The following R3HDM1 variants were observed in gnomAD, a reference collection of about 807,000 sequenced individuals.
The protein encoded by R3HDM1 is R3H domain-containing protein 1.
A neutral mutation model predicts 141.1 loss-of-function variants in R3HDM1; 46 were observed. The observed-to-expected ratio is 0.33, with a 90% CI of 0.26 to 0.42. The LOEUF (loss-of-function observed/expected upper bound fraction) is 0.42, where lower values mean the gene tolerates loss of function less well. Ranked by LOEUF, R3HDM1 falls within the 10% of genes least tolerant of loss-of-function variation. The pLI is 1.00. For missense variants in R3HDM1, 1,184 were observed against 1,368.3 expected (o/e 0.87, Z 2.12); for synonymous variants, 435 against 472.9 (o/e 0.92, Z 1.04).
At chr2:135,548,368 A>G (rs1559100303) in intron 1 of R3HDM1, among the ~76,000 whole-genome samples, 1 of 152,182 alleles carries the variant, frequency 6.6e-6, no homozygotes, top group Non-Finnish European at 1.5e-5. Context: ...CATCACCCCT[A>G]AACACTTGGA....
At chr2:135,691,812 A>T (rs962547445) in intron 21 of R3HDM1, among the ~76,000 whole-genome samples, 1 of 152,138 alleles carries the variant, frequency 6.6e-6, no homozygotes, top group African/African-American at 2.4e-5. Flanking sequence ...TAAATAAAAC[A>T]TATATAAATA....
chr2:135,539,961 A>T (rs1477190713), intron 1 of R3HDM1, among the ~76,000 whole-genome samples: 1 of 152,240 alleles, frequency 6.6e-6, no homozygotes, highest in Non-Finnish European at 1.5e-5. Context: ...AGATTTCTCG[A>T]TAGCATGTGC....
chr2:135,558,708 T>G lies in R3HDM1; in HGVS notation c.-250+27075T>G, dbSNP rs1362946646. 5.3e-5 allele frequency among the ~76,000 whole-genome samples: 8 copies of G among 152,328 alleles called. No homozygotes were observed. The East Asian group carries it at 5.8e-4, about 11-fold the overall frequency. On this transcript the variant is annotated intron_variant, in intron 1 of 26. Coordinates refer to ENST00000683871, the MANE Select transcript of R3HDM1 (RefSeq NM_001378107.1). ...TTGAACAGTTTATTAATGTGTATAT[T>G]ATTATGGACTGAGTACAGAATATGT...
At chr2:135,654,863 AGT>A (rs60593262) in intron 18 of R3HDM1, among the ~76,000 whole-genome samples, 25,636 of 136,396 alleles carry the variant, frequency 0.19, 2,984 homozygotes, top group East Asian at 0.55. Flanking sequence ...GTGTATATAA[AGT>A]GTGTGTGTGT....
chr2:135,698,637 A>G (rs1339652023), intron 21 of R3HDM1, among the ~76,000 whole-genome samples: 2 of 152,172 alleles, frequency 1.3e-5, no homozygotes, highest in Admixed American at 1.3e-4. Flanking sequence ...ATCTATAAAG[A>G]AAAGAGGTTT....
chr2:135,544,529 G>C (rs1218905246), intron 1 of R3HDM1, among the ~76,000 whole-genome samples: 1 of 152,066 alleles, frequency 6.6e-6, no homozygotes, highest in Non-Finnish European at 1.5e-5. Flanking sequence ...AAAGGGAAGG[G>C]CTAACAAAAA....
At chr2:135,596,414 C>G (rs575278472) in intron 1 of R3HDM1, among the ~76,000 whole-genome samples, 1 of 152,194 alleles carries the variant, frequency 6.6e-6, no homozygotes, top group South Asian at 2.1e-4. Context: ...CATTATAACA[C>G]TCAGTACTGA....
chr2:135,670,079 G>A (rs1164847208), intron 19 of R3HDM1, among the ~76,000 whole-genome samples: 7 of 144,656 alleles, frequency 4.8e-5, no homozygotes, highest in Admixed American at 1.4e-4. Flanking sequence ...GCCATAAGCC[G>A]AGATTGCACC....
Position 135,604,921 on chromosome 2 carries a change from A to G in R3HDM1, c.76A>G (p.Thr26Ala), listed in dbSNP as rs865952933. The change falls in exon 3 of 27, where the codon ACA becomes GCA. Residue 26 changes from threonine (T) to alanine (A), a missense_variant. Physicochemically the swap from Thr to Ala is moderately conservative, Grantham distance 58 (BLOSUM62 0). Around this residue, in one of 5 missense-constraint regions of R3HDM1, gnomAD observed 192 missense variants for 215.7 expected, o/e 0.89. Transcript: ENST00000683871. ...GGATTTGGAGGCAGAAGTGAAAGAT[A>G]CAACCAGAGTTGAAAATCTTATCAA... Reference protein sequence around the residue: ...MKDLEAEVKDTTRVENLIKSE... With the variant: ...MKDLEAEVKDATRVENLIKSE... 6.2e-7 allele frequency: 1 copy of G among 1,612,086 alleles called. No individual in the cohort carries two copies. Among genetic ancestry groups the G allele is most frequent in the Middle Eastern group, 1.7e-4 (1 of 6,056 alleles).
chr2:135,693,163 A>G (rs1201529738), intron 21 of R3HDM1, among the ~76,000 whole-genome samples: 1 of 152,240 alleles, frequency 6.6e-6, no homozygotes, highest in Non-Finnish European at 1.5e-5. Flanking sequence ...AATGAGCACA[A>G]TGGATTTATT....
chr2:135,679,840 G>A (rs931082066), intron 20 of R3HDM1, among the ~76,000 whole-genome samples: 7 of 152,176 alleles, frequency 4.6e-5, no homozygotes, highest in African/African-American at 1.7e-4. Context: ...AGCACTTTGG[G>A]AAGCCAAGGT....
At chr2:135,562,766 A>G (rs548474262) in intron 1 of R3HDM1, among the ~76,000 whole-genome samples, 114 of 152,346 alleles carry the variant, frequency 7.5e-4, no homozygotes, top group African/African-American at 2.6e-3. Context: ...AAAGCCAACT[A>G]TGCTAAGTCA....
At position 135,649,991 on chromosome 2, in the gene R3HDM1, G is replaced by C; in HGVS notation, c.1713G>C (p.Gln571His). The C allele has an allele frequency of 7.8e-7, 1 of 1,289,376 alleles. No homozygotes were observed. The allele number at this position is 1,289,376 out of a possible 1,614,324, so 79.9% of individuals were successfully genotyped here. Residue 571 changes from glutamine (Q) to histidine (H), a missense_variant, in exon 17 of 27, where the codon CAG (glutamine) becomes CAC (histidine). Transcript: ENST00000683871. The stretch of plus-strand genomic sequence containing the variant: ...CGTTCCTGCCAGTCTCACCCACCCA[G>C]CAATACTCTGTGGTACTATATCTCT... ...PSPFLPVSPT[Q>H]QYSVQDNLGS...
intron 1 of R3HDM1, among the ~76,000 whole-genome samples, chr2:135,541,487 C>T (rs1255407387): frequency 2.6e-5 from 4 of 152,258 alleles, no homozygotes; most frequent in Non-Finnish European, 5.9e-5. Context: ...GGATTACAGG[C>T]GTGAGCCACC....
intron 18 of R3HDM1, among the ~76,000 whole-genome samples, chr2:135,658,338 T>G (rs1370360693): frequency 6.6e-6 from 1 of 152,164 alleles, no homozygotes; most frequent in Non-Finnish European, 1.5e-5. Flanking sequence ...GGCTAATTTT[T>G]TGTATCTTTA....
At chr2:135,676,276 C>T (rs1466544309) in intron 20 of R3HDM1, among the ~76,000 whole-genome samples, 3 of 146,256 alleles carry the variant, frequency 2.1e-5, no homozygotes, top group Non-Finnish European at 4.5e-5. Context: ...AGTGAGTCAC[C>T]ACTGCACTCC....
In R3HDM1 at chr2:135,663,142, A is replaced by G. The variant is rs537351768; in HGVS notation, c.2152+1749A>G. On this transcript the variant is annotated intron_variant, in intron 19 of 26. Coordinates refer to ENST00000683871, the MANE Select transcript of R3HDM1 (RefSeq NM_001378107.1). ...TATATATGCCTCTCTGCCAAAAAAA[A>G]AAAAAAAAAAAAATATGACACTTAA... 4.7e-4 allele frequency among the ~76,000 whole-genome samples: 71 copies of G among 150,674 alleles called. 1 individual carries two copies. The highest frequency in any genetic ancestry group is 1.6e-3 in the African/African-American group (63 of 40,368).
intron 23 of R3HDM1, among the ~76,000 whole-genome samples, chr2:135,714,926 G>A (rs538920225): frequency 6.6e-6 from 1 of 152,260 alleles, no homozygotes; most frequent in South Asian, 2.1e-4. Flanking sequence ...GAGTGAGTTC[G>A]CTGTATGTAT....
intron 5 of R3HDM1, among the ~76,000 whole-genome samples, chr2:135,619,015 T>C (rs1574407039): frequency 7.0e-6 from 1 of 142,728 alleles, no homozygotes; most frequent in Non-Finnish European, 1.5e-5. Flanking sequence ...AGCGAAACTC[T>C]TATCTCAAAA....
Sources: allele counts gnomAD v4.1 joint callset (sites outside exome capture counted in the v4.1 genomes callset), GRCh38; gene constraint gnomAD v4.1.1; regional missense constraint gnomAD v4.1.1; transcripts MANE v1.5; gene names NCBI Gene and HGNC (gene_info 2026-07-23, HGNC 2026-07-21).